The following RABL3 variants were observed in gnomAD, a reference collection of about 807,000 sequenced individuals.
The protein encoded by RABL3 is rab-like protein 3.
In RABL3, 31 loss-of-function variants were observed where a neutral mutation model predicts 31.8. The observed-to-expected ratio is 0.97, with a 90% CI of 0.73 to 1.31. RABL3 has a LOEUF of 1.31. Among genes scored for constraint, RABL3 ranks in the 40% most tolerant of loss-of-function variants. RABL3 has a pLI of 0.00. For synonymous variants in RABL3, 97 were observed against 99.9 expected (o/e 0.97, Z 0.18); for missense variants, 263 against 279.6 (o/e 0.94, Z 0.42).
At position 120,724,164 on chromosome 3, in the gene RABL3, A is replaced by C. The variant is rs199509867; in HGVS notation, c.138+6532T>G. Reference sequence around the variant, plus strand: ...TTCTCATACACTAATAACAGACAAAAAGAGAGCCAAATCATGAGTGAACTC... The same window carrying C: ...TTCTCATACACTAATAACAGACAAACAGAGAGCCAAATCATGAGTGAACTC... On this transcript the variant is annotated intron_variant, in intron 2 of 7. Coordinates refer to ENST00000273375, the MANE Select transcript of RABL3 (RefSeq NM_173825.5). Among the ~76,000 whole-genome samples, 6 of 152,150 alleles carry C rather than the reference A, an allele frequency of 3.9e-5. 1 individual carries two copies. Among genetic ancestry groups the C allele is most frequent in the African/African-American group, 1.2e-4 (5 of 41,546 alleles).
At chr3:120,719,371 G>A (rs1708708497) in intron 2 of RABL3, among the ~76,000 whole-genome samples, 1 of 152,172 alleles carries the variant, frequency 6.6e-6, no homozygotes, top group Non-Finnish European at 1.5e-5. Flanking sequence ...TGGGCACAGC[G>A]CACCGAGTGT....
At chr3:120,710,055 T>A in intron 2 of RABL3, 146 bp from the exon 3 acceptor site, 1 of 573,186 alleles carries the variant, frequency 1.7e-6, no homozygotes, top group Non-Finnish European at 3.0e-6. Context: ...TTTAATACTT[T>A]AATAATTTTT....
chr3:120,705,390 T>C (rs565673924), intron 4 of RABL3, among the ~76,000 whole-genome samples: 2 of 152,218 alleles, frequency 1.3e-5, no homozygotes, highest in Non-Finnish European at 2.9e-5. Flanking sequence ...GGAATCATAC[T>C]GCTCAATTTT....
chr3:120,707,840 TCTTTC>T (rs1708568625), intron 3 of RABL3, among the ~76,000 whole-genome samples: 1 of 152,132 alleles, frequency 6.6e-6, no homozygotes. Context: ...CTATTCTTTC[TCTTTC>T]ATTTGGGCTG....
intron 5 of RABL3, 49 bp from the exon 6 acceptor site, chr3:120,694,273 C>A (rs544732017): frequency 7.9e-7 from 1 of 1,273,376 alleles, no homozygotes; most frequent in East Asian, 2.3e-5. Context: ...GAAACCCAAG[C>A]TCGTTGCTAT....
intron 2 of RABL3, 144 bp downstream of exon 2, chr3:120,730,552 G>A (rs1708870336): frequency 1.7e-6 from 1 of 586,318 alleles, no homozygotes; most frequent in Non-Finnish European, 3.0e-6. Context: ...AAAGCAACTG[G>A]CATAGTACCT....
chr3:120,709,632 G>A (rs1465882525), intron 3 of RABL3, 148 bp downstream of exon 3: 1 of 513,160 alleles, frequency 1.9e-6, no homozygotes, highest in African/African-American at 1.9e-5. Context: ...ACGCAAACTG[G>A]AATGTACTAT....
intron 1 of RABL3, among the ~76,000 whole-genome samples, chr3:120,735,964 CTG>C (rs1708956596): frequency 6.6e-6 from 1 of 152,284 alleles, no homozygotes; most frequent in East Asian, 1.9e-4. Flanking sequence ...TTTATTCCAA[CTG>C]TGTGGTCAGT....
chr3:120,708,360 T>C lies in RABL3; in HGVS notation c.268+1420A>G, dbSNP rs373878530. ...ACAGAAAAGATAAACAAATATAGAT[T>C]AGATGGATTTCTTCTTCAGCACTTA... On this transcript the variant is annotated intron_variant, in intron 3 of 7. Coordinates refer to ENST00000273375, the MANE Select transcript of RABL3 (RefSeq NM_173825.5). 1.5e-4 allele frequency among the ~76,000 whole-genome samples: 23 copies of C among 152,124 alleles called. No individual in the cohort carries two copies. The East Asian group carries it at 1.5e-3, about 10-fold the overall frequency.
rs1708310007 is a variant in RABL3, at chr3:120,686,586, G to A, written c.*3237C>T. The A allele has an allele frequency of 6.6e-6, 1 of 152,114 alleles. No homozygotes were observed. The highest frequency in any genetic ancestry group is 2.4e-5 in the African/African-American group (1 of 41,408). 9.4% of individuals were successfully genotyped at this position (152,114 alleles called of 1,614,324 possible). On this transcript the variant is annotated 3_prime_UTR_variant, in exon 8 of 8. Coordinates refer to ENST00000273375, the MANE Select transcript of RABL3 (RefSeq NM_173825.5). ...AAGCTAATATGGATCAACTCTTTTG[G>A]GAATAGCTTTTCTTAGAGCACTGTA...
chr3:120,700,831 T>A (rs2107578525), intron 4 of RABL3, among the ~76,000 whole-genome samples: 1 of 152,210 alleles, frequency 6.6e-6, no homozygotes, highest in East Asian at 1.9e-4. Context: ...GCAACGGGTA[T>A]ATGGGAGTTC....
intron 2 of RABL3, chr3:120,722,710 G>A (rs552402189): frequency 1.3e-5 from 2 of 152,156 alleles, no homozygotes; most frequent in African/African-American, 2.4e-5. Context: ...GGTACATAAC[G>A]AAATGAAGGC....
intron 2 of RABL3, among the ~76,000 whole-genome samples, chr3:120,725,463 T>C (rs1227391196): frequency 2.0e-5 from 3 of 152,122 alleles, no homozygotes; most frequent in Admixed American, 6.5e-5. Flanking sequence ...ACCCAAAGGA[T>C]TATAAATCAT....
intron 2 of RABL3, chr3:120,722,107 C>A (rs909317061): frequency 6.6e-6 from 1 of 152,086 alleles, no homozygotes; most frequent in Non-Finnish European, 1.5e-5. Context: ...CTGACTACCC[C>A]GACGCATATA....
At chr3:120,710,110 GCT>G in intron 2 of RABL3, among the ~76,000 whole-genome samples, 1 of 151,972 alleles carries the variant, frequency 6.6e-6, no homozygotes, top group South Asian at 2.1e-4. Flanking sequence ...ATCTTTCACA[GCT>G]CTCTGTTCCA....
chr3:120,706,813 T>C (rs1005969291), intron 3 of RABL3, among the ~76,000 whole-genome samples: 46 of 152,032 alleles, frequency 3.0e-4, no homozygotes, highest in African/African-American at 1.1e-3. Flanking sequence ...GAAGTATGGA[T>C]AGTAGAAAGT....
At chr3:120,712,680 T>C (rs1278438050) in intron 2 of RABL3, among the ~76,000 whole-genome samples, 3 of 152,186 alleles carry the variant, frequency 2.0e-5, no homozygotes, top group Non-Finnish European at 4.4e-5. Flanking sequence ...AGACTCTGAG[T>C]GTAAGGGCAC....
rs747065772 is a variant in RABL3 at position 120,686,287 on chromosome 3, TATG to T, written c.*3533_*3535del. 1.8e-4 allele frequency among the ~76,000 whole-genome samples: 28 copies of T among 152,316 alleles called. No homozygotes were observed. The highest frequency in any genetic ancestry group is 2.9e-4 in the Non-Finnish European group (20 of 68,024). On this transcript the variant is annotated 3_prime_UTR_variant, in exon 8 of 8. Transcript: ENST00000273375. ...TGTTAGACCTTTAAACTTCTTAAAA[TATG>T]ATGTCACCTGTGCTTTAAAAAATTC...
chr3:120,713,419 G>A (rs1192849284), intron 2 of RABL3, among the ~76,000 whole-genome samples: 3 of 152,236 alleles, frequency 2.0e-5, no homozygotes, highest in Non-Finnish European at 4.4e-5. Context: ...TTTCACATGT[G>A]TGAGTAATTT....
Sources: allele counts gnomAD v4.1 joint callset (sites outside exome capture counted in the v4.1 genomes callset), GRCh38; gene constraint gnomAD v4.1.1; transcripts MANE v1.5; gene names NCBI Gene and HGNC (gene_info 2026-07-23, HGNC 2026-07-21).